The following CSMD1 variants were observed in gnomAD, a reference collection of about 807,000 sequenced individuals.
CSMD1 encodes the protein CUB and sushi domain-containing protein 1.
Under a neutral mutation model 417.5 loss-of-function variants are expected in CSMD1, and 213 were observed. The ratio of observed to expected loss-of-function variants is 0.51; its 90% confidence interval spans 0.46 to 0.57. CSMD1 has a LOEUF of 0.57. CSMD1 is among the 20% of genes least tolerant of loss of function. The pLI is 0.00. For synonymous variants in CSMD1, 2,862 were observed against 1,736.8 expected (o/e 1.65, Z -16.11); for missense variants, 6,923 against 4,529.7 (o/e 1.53, Z -15.17).
In CSMD1 at chr8:3,715,152, C is replaced by A. The variant is rs77938172; in HGVS notation, c.932-6661G>T. On this transcript the variant is annotated intron_variant, in intron 6 of 69. Coordinates refer to ENST00000635120, the MANE Select transcript of CSMD1 (RefSeq NM_033225.6). ...AATTCAGATCACCTTATATTTTAAACACACATTTAATTATTTTTTGCAAAT... is the reference window on the plus strand; with the variant it reads ...AATTCAGATCACCTTATATTTTAAAAACACATTTAATTATTTTTTGCAAAT... 7.5e-3 allele frequency among the ~76,000 whole-genome samples: 1,140 copies of A among 152,246 alleles called. 38 individuals are homozygous for A. In the East Asian group the frequency reaches 0.12, roughly 16 times the overall value.
At chr8:4,557,105 A>G (rs1256672883) in intron 2 of CSMD1, among the ~76,000 whole-genome samples, 1 of 152,218 alleles carries the variant, frequency 6.6e-6, no homozygotes, top group African/African-American at 2.4e-5. Context: ...TCAAAATGCA[A>G]TCTCTGCCAT....
Position 4,847,031 on chromosome 8 carries a change from T to TA in CSMD1, c.85+147300dup, listed in dbSNP as rs35775681. Among the ~76,000 whole-genome samples the TA allele has an allele frequency of 2.6e-3, 390 of 152,284 alleles. 2 individuals carry two copies. The highest frequency in any genetic ancestry group is 3.7e-3 in the Non-Finnish European group (253 of 68,022). ...CAGTAGAAGAAACAACTTGTGTTTTTAAAAAGCATTCTTGTTCTGATAATT... is the reference window on the plus strand; with the variant it reads ...CAGTAGAAGAAACAACTTGTGTTTTTAAAAAAGCATTCTTGTTCTGATAATT... On this transcript the variant is annotated intron_variant, in intron 1 of 69. Transcript: ENST00000635120.
intron 41 of CSMD1, among the ~76,000 whole-genome samples, chr8:3,130,273 G>A (rs933907505): frequency 1.3e-5 from 2 of 152,106 alleles, no homozygotes; most frequent in African/African-American, 4.8e-5. Context: ...GGGGACAGTT[G>A]AGCAGGAAGA....
intron 2 of CSMD1, among the ~76,000 whole-genome samples, chr8:4,541,420 C>G (rs773513183): frequency 2.6e-5 from 4 of 152,182 alleles, no homozygotes; most frequent in Non-Finnish European, 4.4e-5. Context: ...CTTTGCACTT[C>G]TAAGTGGGCT....
At chr8:4,402,368 C>G (rs1389966628) in intron 3 of CSMD1, among the ~76,000 whole-genome samples, 1 of 152,060 alleles carries the variant, frequency 6.6e-6, no homozygotes. Context: ...CCCTCAATTC[C>G]CTTGTTCCTC....
At chr8:4,748,178 T>G (rs1272533776) in intron 1 of CSMD1, among the ~76,000 whole-genome samples, 2 of 152,170 alleles carry the variant, frequency 1.3e-5, no homozygotes, top group Non-Finnish European at 2.9e-5. Flanking sequence ...CTCCATCACC[T>G]TGGCACATAA....
chr8:3,921,335 C>T (rs904987403), intron 5 of CSMD1, among the ~76,000 whole-genome samples: 1 of 151,830 alleles, frequency 6.6e-6, no homozygotes, highest in South Asian at 2.1e-4. Flanking sequence ...TTTGTCTATC[C>T]TTTCATAAAA....
chr8:3,810,716 G>C (rs1206685288), intron 5 of CSMD1, among the ~76,000 whole-genome samples: 1 of 152,138 alleles, frequency 6.6e-6, no homozygotes, highest in Non-Finnish European at 1.5e-5. Context: ...GTAAAACATT[G>C]AATTTGTTAT....
intron 1 of CSMD1, among the ~76,000 whole-genome samples, chr8:4,743,172 A>G (rs527976192): frequency 9.2e-5 from 14 of 152,362 alleles, no homozygotes; most frequent in African/African-American, 2.4e-4. Context: ...TCTTTTAGAC[A>G]TAATCTATTT....
At chr8:3,769,001 C>G (rs1171667418) in intron 5 of CSMD1, among the ~76,000 whole-genome samples, 2 of 152,236 alleles carry the variant, frequency 1.3e-5, no homozygotes, top group East Asian at 1.9e-4. Context: ...AGCAGGCCCA[C>G]AGCACACCTG....
intron 3 of CSMD1, among the ~76,000 whole-genome samples, chr8:4,085,603 T>C (rs1293934181): frequency 2.0e-5 from 3 of 152,152 alleles, no homozygotes; most frequent in Non-Finnish European, 2.9e-5. Flanking sequence ...TTGCAACAAC[T>C]TGTGGGAACC....
chr8:3,308,778 C>T (rs1432828951), intron 23 of CSMD1, among the ~76,000 whole-genome samples: 1 of 127,338 alleles, frequency 7.9e-6, no homozygotes, highest in Non-Finnish European at 1.6e-5. Context: ...GGCTGGAGTG[C>T]AATGGCGTGA....
intron 1 of CSMD1, among the ~76,000 whole-genome samples, chr8:4,720,184 AT>A (rs1207799536): frequency 7.2e-6 from 1 of 139,340 alleles, no homozygotes; most frequent in Non-Finnish European, 1.6e-5. Context: ...ATATATATAT[AT>A]TTATATTTCA....
chr8:4,900,175 A>C (rs886269269), intron 1 of CSMD1, among the ~76,000 whole-genome samples: 1 of 152,030 alleles, frequency 6.6e-6, no homozygotes, highest in Non-Finnish European at 1.5e-5. Context: ...CACCACATTC[A>C]AGTCCCAAAG....
At chr8:3,246,375 C>G (rs995532535) in intron 26 of CSMD1, among the ~76,000 whole-genome samples, 1 of 152,190 alleles carries the variant, frequency 6.6e-6, no homozygotes, top group Non-Finnish European at 1.5e-5. Flanking sequence ...CCCTGAAATG[C>G]CAGTTTCTCC....
chr8:4,322,755 A>C (rs909147439), intron 3 of CSMD1, among the ~76,000 whole-genome samples: 1 of 152,162 alleles, frequency 6.6e-6, no homozygotes, highest in African/African-American at 2.4e-5. Flanking sequence ...AGCACTTTGG[A>C]AGGCAGAGGT....
In CSMD1 at chr8:3,233,214, G is replaced by A. The variant is rs560171650; in HGVS notation, c.4154-2983C>T. Among the ~76,000 whole-genome samples the A allele has an allele frequency of 7.9e-5, 12 of 152,138 alleles. No homozygotes were observed. In the East Asian group the frequency reaches 1.7e-3, roughly 22 times the overall value. Reference sequence around the variant, plus strand: ...TCAATATGGTCATATTGGGAGGTGAGGCCTTTAAGAGGTGATTGTATTAAT... The same window carrying A: ...TCAATATGGTCATATTGGGAGGTGAAGCCTTTAAGAGGTGATTGTATTAAT... On this transcript the variant is annotated intron_variant, in intron 26 of 69. Coordinates refer to ENST00000635120, the MANE Select transcript of CSMD1 (RefSeq NM_033225.6).
chr8:3,922,195 C>G (rs937566159), intron 5 of CSMD1, among the ~76,000 whole-genome samples: 3 of 151,896 alleles, frequency 2.0e-5, no homozygotes, highest in East Asian at 1.9e-4. Flanking sequence ...ATAGACAACC[C>G]TACTCTCTTC....
chr8:3,244,309 C>A (rs1799736371), intron 26 of CSMD1, among the ~76,000 whole-genome samples: 1 of 152,150 alleles, frequency 6.6e-6, no homozygotes, highest in Non-Finnish European at 1.5e-5. Flanking sequence ...TGGAGTCAGG[C>A]TGCGGCAATT....
Sources: gnomAD v4.1 joint callset for allele counts (sites outside exome capture counted in the v4.1 genomes callset) on GRCh38, gnomAD v4.1.1 for gene constraint, MANE v1.5 for transcripts, NCBI Gene and HGNC (gene_info 2026-07-23, HGNC 2026-07-21) for gene names.